The following GRIK2 variants were observed in gnomAD, a reference collection of about 807,000 sequenced individuals.
GRIK2 encodes the protein glutamate receptor ionotropic, kainate 2.
A neutral mutation model predicts 100.3 loss-of-function variants in GRIK2; 32 were observed. The ratio of observed to expected loss-of-function variants is 0.32; its 90% CI spans 0.24 to 0.43. The LOEUF (loss-of-function observed/expected upper bound fraction) is 0.43, where lower values mean the gene tolerates loss of function less well. GRIK2 is among the 20% of genes least tolerant of loss of function. The pLI is 1.00. For synonymous variants in GRIK2, 417 were observed against 389.4 expected, an observed-to-expected ratio of 1.07 and a Z score of -0.83; for missense variants, 843 against 1,114.9, an observed-to-expected ratio of 0.76 and a Z score of 3.47.
chr6:101,941,378 A>G (rs907910865), intron 14 of GRIK2, among the ~76,000 whole-genome samples: 3 of 152,092 alleles, frequency 2.0e-5, no homozygotes, highest in African/African-American at 7.2e-5. Context: ...GAACATTGCA[A>G]TTTGCTGCAA....
chr6:101,952,426 C>G (rs1248128757), intron 14 of GRIK2, among the ~76,000 whole-genome samples: 1 of 152,010 alleles, frequency 6.6e-6, no homozygotes, highest in Admixed American at 6.6e-5. Flanking sequence ...GCTTTTCTTT[C>G]CATGTGACCA....
At chr6:101,537,935 T>C (rs1775794797) in intron 2 of GRIK2, among the ~76,000 whole-genome samples, 1 of 151,766 alleles carries the variant, frequency 6.6e-6, no homozygotes, top group African/African-American at 2.4e-5. Context: ...GCAAGAAGTA[T>C]TCCGAAATAT....
At chr6:101,539,579 AACAG>A (rs1668301714) in intron 2 of GRIK2, among the ~76,000 whole-genome samples, 1 of 151,174 alleles carries the variant, frequency 6.6e-6, no homozygotes, top group Admixed American at 6.6e-5. Flanking sequence ...AGTAGTAAGT[AACAG>A]ACAATCTACA....
intron 2 of GRIK2, among the ~76,000 whole-genome samples, chr6:101,446,965 A>T (rs1186302943): frequency 1.3e-5 from 1 of 76,638 alleles, no homozygotes; most frequent in East Asian, 3.8e-4. Context: ...ATATGCTTAT[A>T]TATTTATATA....
At chr6:101,573,636 A>T (rs1777658484) in intron 2 of GRIK2, among the ~76,000 whole-genome samples, 1 of 152,124 alleles carries the variant, frequency 6.6e-6, no homozygotes, top group Admixed American at 6.6e-5. Context: ...GTGACAAAAT[A>T]TTTGTGATAG....
At chr6:101,744,552 A>ACACACATATATATATATATACGTG (rs1776292385) in intron 7 of GRIK2, 2 of 121,944 alleles carry the variant, frequency 1.6e-5, no homozygotes, top group African/African-American at 6.7e-5. Context: ...ATATATATAT[A>ACACACATATATATATATATACGTG]TATATATCAC....
intron 14 of GRIK2, among the ~76,000 whole-genome samples, chr6:101,978,378 A>G (rs1439851471): frequency 6.6e-6 from 1 of 151,972 alleles, no homozygotes; most frequent in East Asian, 1.9e-4. Flanking sequence ...TAAAAATGGC[A>G]TTTGTTATGA....
chr6:101,695,242 G>A (rs189061166), intron 7 of GRIK2, among the ~76,000 whole-genome samples: 31 of 152,096 alleles, frequency 2.0e-4, no homozygotes, highest in African/African-American at 7.2e-4. Context: ...TCTCCAGAGG[G>A]GAGGAACACT....
chr6:101,561,135 A>T (rs1051535009), intron 2 of GRIK2, among the ~76,000 whole-genome samples: 2 of 152,166 alleles, frequency 1.3e-5, no homozygotes, highest in African/African-American at 2.4e-5. Flanking sequence ...TAAAGAATAT[A>T]AAAAAAGTCT....
At chr6:101,494,971 T>TTA (rs369006296) in intron 2 of GRIK2, among the ~76,000 whole-genome samples, 16,149 of 107,724 alleles carry the variant, frequency 0.15, 1,308 homozygotes, top group Non-Finnish European at 0.18. Flanking sequence ...ATATATGCAT[T>TTA]TATATATATA....
At chr6:101,965,357 C>T (rs1362815947) in intron 14 of GRIK2, among the ~76,000 whole-genome samples, 2 of 151,966 alleles carry the variant, frequency 1.3e-5, no homozygotes, top group East Asian at 3.9e-4. Flanking sequence ...AAAAGCTATC[C>T]AATACAATTT....
intron 7 of GRIK2, among the ~76,000 whole-genome samples, chr6:101,760,545 A>G (rs1296197601): frequency 1.1e-5 from 1 of 89,976 alleles, no homozygotes; most frequent in African/African-American, 5.0e-5. Context: ...TTAATTATAT[A>G]TTTATTATAT....
intron 7 of GRIK2, 50 bp downstream of exon 7, chr6:101,686,403 C>T: frequency 7.2e-7 from 1 of 1,385,422 alleles, no homozygotes; most frequent in Non-Finnish European, 1.0e-6. Flanking sequence ...AATAGTATTG[C>T]ATACATATGA....
chr6:101,818,436 A>G lies in GRIK2; in HGVS notation c.1270A>G (p.Ile424Val). 1 of 1,611,820 alleles carries G rather than the reference A, an allele frequency of 6.2e-7. No homozygotes were observed. The highest frequency in any genetic ancestry group is 1.1e-5 in the South Asian group (1 of 91,048). Residue 424 changes from isoleucine to valine, a missense_variant, in exon 10 of 17, where the codon ATC becomes GTC. By Grantham distance (29) the Ile-to-Val change is conservative. Around this residue, in one of 3 missense-constraint regions of GRIK2, gnomAD observed 519 missense variants for 643.8 expected, o/e 0.81. Transcript: ENST00000369134. ...TESQKGKPANITDSLSNRSLI... is the reference protein window; with the variant it reads ...TESQKGKPANVTDSLSNRSLI... ...AAGTCAAAAGGGAAAGCCAGCGAAC[A>G]TCACAGATTCCTTATCCAATCGTTC...
chr6:101,618,431 T>C (rs1779998306), intron 2 of GRIK2, among the ~76,000 whole-genome samples: 1 of 151,774 alleles, frequency 6.6e-6, no homozygotes, highest in South Asian at 2.1e-4. Context: ...TTTCTGAACA[T>C]AGTATTTCTC....
chr6:101,836,542 C>T (rs1318595860), intron 10 of GRIK2, among the ~76,000 whole-genome samples: 1 of 147,474 alleles, frequency 6.8e-6, no homozygotes, highest in Non-Finnish European at 1.5e-5. Context: ...TCATCTTTAA[C>T]TTTTTAAAAA....
chr6:101,841,679 T>C (rs1388288362), intron 10 of GRIK2, among the ~76,000 whole-genome samples: 1 of 152,114 alleles, frequency 6.6e-6, no homozygotes, highest in Admixed American at 6.6e-5. Context: ...AAAGATTTTT[T>C]GAAACTAAAA....
intron 14 of GRIK2, among the ~76,000 whole-genome samples, chr6:101,947,581 G>A (rs2852597): frequency 0.034 from 5,213 of 152,168 alleles, 318 homozygotes; most frequent in African/African-American, 0.12. Flanking sequence ...CTGAGAAAAT[G>A]TGATATAAGA....
chr6:102,044,047 G>A (rs77297385), intron 15 of GRIK2, among the ~76,000 whole-genome samples: 2 of 151,950 alleles, frequency 1.3e-5, no homozygotes, highest in Admixed American at 6.6e-5. Context: ...TCAGCAGCAT[G>A]AAAATGGGCT....
Sources: allele counts gnomAD v4.1 joint callset (sites outside exome capture counted in the v4.1 genomes callset), GRCh38; gene constraint gnomAD v4.1.1; regional missense constraint gnomAD v4.1.1; transcripts MANE v1.5; gene names NCBI Gene and HGNC (gene_info 2026-07-23, HGNC 2026-07-21).